Variants in KDM4C observed in about 807,000 individuals in gnomAD.
KDM4C encodes lysine-specific demethylase 4C.
A neutral mutation model predicts 129.3 loss-of-function variants in KDM4C; 81 were observed. That is an observed-to-expected ratio of 0.63 (90% CI 0.52 to 0.75). KDM4C has a LOEUF of 0.75. KDM4C is among the 30% of genes least tolerant of loss of function. The probability of loss-of-function intolerance (pLI) is 0.00; values close to 1 mark genes in which losing one functional copy is unlikely to be tolerated. For synonymous variants in KDM4C, 573 were observed against 456.1 expected (o/e 1.26, Z -3.26); for missense variants, 1,457 against 1,304.0 (o/e 1.12, Z -1.81).
chr9:6,904,157 T>C (rs1457007361), intron 8 of KDM4C, among the ~76,000 whole-genome samples: 1 of 151,964 alleles, frequency 6.6e-6, no homozygotes, highest in Non-Finnish European at 1.5e-5. Flanking sequence ...GAGAATTGCT[T>C]GAATTTGGGA....
At chr9:7,073,772 C>G (rs1293459216) in intron 17 of KDM4C, among the ~76,000 whole-genome samples, 1 of 152,152 alleles carries the variant, frequency 6.6e-6, no homozygotes, top group Non-Finnish European at 1.5e-5. Context: ...ATTAGCCTTG[C>G]AGGGCCCATC....
intron 12 of KDM4C, among the ~76,000 whole-genome samples, chr9:7,004,021 G>C (rs1232070245): frequency 1.3e-5 from 2 of 152,134 alleles, no homozygotes; most frequent in Non-Finnish European, 2.9e-5. Context: ...GCTTTTCATA[G>C]TAGAGAATGG....
intron 5 of KDM4C, among the ~76,000 whole-genome samples, chr9:6,876,745 C>T (rs748037432): frequency 1.3e-5 from 2 of 152,194 alleles, no homozygotes; most frequent in Middle Eastern, 3.4e-3. Context: ...CCCCTGAAGC[C>T]AGGTGCTCAC....
At chr9:6,748,575 G>T (rs991553866) in intron 1 of KDM4C, 4 of 562,134 alleles carry the variant, frequency 7.1e-6, no homozygotes, top group African/African-American at 1.9e-5. Flanking sequence ...CAATCCCACA[G>T]CATTTATTGC....
intron 17 of KDM4C, among the ~76,000 whole-genome samples, chr9:7,060,446 GTATTGTTGTTATTATTATTATTAT>G (rs1831468208): frequency 7.5e-6 from 1 of 133,734 alleles, no homozygotes; most frequent in African/African-American, 2.7e-5. Context: ...CTTTTTAGCA[GTATTGTTGTTATTATTATTATTAT>G]TATTATTATT....
intron 8 of KDM4C, among the ~76,000 whole-genome samples, chr9:6,966,109 G>A (rs1018829228): frequency 3.3e-5 from 5 of 152,042 alleles, no homozygotes; most frequent in Non-Finnish European, 5.9e-5. Context: ...AAAACCTAAA[G>A]CAAATACCAT....
chr9:6,840,096 C>G (rs62533759), intron 4 of KDM4C, among the ~76,000 whole-genome samples: 9,934 of 151,526 alleles, frequency 0.066, 480 homozygotes, highest in Non-Finnish European at 0.1. Context: ...TTTTTGGAGA[C>G]AGGTCTCACT....
intron 8 of KDM4C, among the ~76,000 whole-genome samples, chr9:6,947,223 G>A (rs1476394632): frequency 2.0e-5 from 3 of 151,962 alleles, no homozygotes; most frequent in Non-Finnish European, 4.4e-5. Flanking sequence ...CTGATTTTTT[G>A]TACTCTAAAT....
chr9:6,952,326 T>C lies in KDM4C; in HGVS notation c.922-28599T>C, dbSNP rs1297794184. 2.0e-5 allele frequency among the ~76,000 whole-genome samples: 3 copies of C among 151,778 alleles called. No homozygotes were observed. The East Asian group carries it at 5.8e-4, about 29-fold the overall frequency. On this transcript the variant is annotated intron_variant, in intron 8 of 21. Coordinates refer to ENST00000381309, the MANE Select transcript of KDM4C (RefSeq NM_015061.6). ...AAATAAATCAATCGTGGTACAGTTT[T>C]ATAGGAAAAGAGTATGAAACCATTC...
intron 8 of KDM4C, among the ~76,000 whole-genome samples, chr9:6,913,176 A>G (rs1449067282): frequency 2.6e-5 from 4 of 152,182 alleles, no homozygotes; most frequent in Non-Finnish European, 5.9e-5. Flanking sequence ...GGGATAAGGA[A>G]TTGTCCATTT....
At chr9:6,795,586 C>T (rs1044067191) in intron 2 of KDM4C, among the ~76,000 whole-genome samples, 1 of 152,110 alleles carries the variant, frequency 6.6e-6, no homozygotes. Context: ...CCTTCCTTGG[C>T]CTCCCAAAAT....
At chr9:6,907,510 A>C (rs906584757) in intron 8 of KDM4C, among the ~76,000 whole-genome samples, 3 of 152,208 alleles carry the variant, frequency 2.0e-5, no homozygotes, top group Non-Finnish European at 4.4e-5. Flanking sequence ...CACATAGCAG[A>C]GATGTTTTAA....
chr9:7,170,063 A>G, intron 21 of KDM4C, 173 bp downstream of exon 21: 1 of 1,505,198 alleles, frequency 6.6e-7, no homozygotes, highest in Non-Finnish European at 8.9e-7. Flanking sequence ...AATTCAACCA[A>G]AATCGGGGAA....
chr9:6,790,654 CAAAAAAAAAA>C lies in KDM4C; in HGVS notation c.-17-2299_-17-2290del, dbSNP rs1186296239. Among the ~76,000 whole-genome samples, 139 of 65,240 alleles carry C rather than the reference CAAAAAAAAAA, an allele frequency of 2.1e-3. 1 individual carries two copies. Among genetic ancestry groups the C allele is most frequent in the Middle Eastern group, 0.015 (1 of 66 alleles). 42.8% of individuals were successfully genotyped at this position (65,240 alleles called of 152,430 possible). A position where few individuals can be genotyped will look rare whatever the true frequency, so the allele number is the denominator to read the frequency against. ...TTTCTGTCAGGCAGATTAAATTCAGCAAAAAAAAAAAAAAAAAAAAAAAAAAAAGAGGAAA... is the reference window on the plus strand; with the variant it reads ...TTTCTGTCAGGCAGATTAAATTCAGCAAAAAAAAAAAAAAAAAAGAGGAAA... On this transcript the variant is annotated intron_variant, in intron 1 of 21. Coordinates refer to ENST00000381309, the MANE Select transcript of KDM4C (RefSeq NM_015061.6).
At chr9:6,832,801 C>G (rs1486843651) in intron 4 of KDM4C, among the ~76,000 whole-genome samples, 1 of 147,628 alleles carries the variant, frequency 6.8e-6, no homozygotes, top group Non-Finnish European at 1.5e-5. Flanking sequence ...AATCTCAGCT[C>G]ACTGCAACCT....
chr9:7,074,759 C>G (rs537003904), intron 17 of KDM4C, among the ~76,000 whole-genome samples: 6 of 152,202 alleles, frequency 3.9e-5, no homozygotes, highest in African/African-American at 1.4e-4. Context: ...TTTTGCTGAG[C>G]CTTTTTGGCT....
intron 1 of KDM4C, among the ~76,000 whole-genome samples, chr9:6,778,278 C>T (rs1370667415): frequency 1.3e-5 from 2 of 151,136 alleles, no homozygotes; most frequent in African/African-American, 2.4e-5. Flanking sequence ...TTAGTAGAGA[C>T]AGGGTTTCAC....
intron 3 of KDM4C, among the ~76,000 whole-genome samples, chr9:6,808,976 CAT>C (rs1388868036): frequency 3.9e-5 from 6 of 151,984 alleles, no homozygotes; most frequent in African/African-American, 9.7e-5. Flanking sequence ...AACAAAAAAT[CAT>C]AGTTTCCAAA....
intron 19 of KDM4C, among the ~76,000 whole-genome samples, chr9:7,134,172 C>A (rs1385096503): frequency 6.6e-6 from 1 of 152,188 alleles, no homozygotes; most frequent in Admixed American, 6.5e-5. Context: ...GCAGGCATGG[C>A]CCACATGGCC....
Sources: gnomAD v4.1 joint callset for allele counts (sites outside exome capture counted in the v4.1 genomes callset) on GRCh38, gnomAD v4.1.1 for gene constraint, MANE v1.5 for transcripts, NCBI Gene and HGNC (gene_info 2026-07-23, HGNC 2026-07-21) for gene names.